SPTBN1: variants seen among roughly 807,000 people sequenced by gnomAD.
SPTBN1 encodes spectrin beta, non-erythrocytic 1, also known as spectrin beta chain, non-erythrocytic 1.
SPTBN1 carries 32 observed loss-of-function variants against 266.4 expected under a neutral mutation model. That is an observed-to-expected ratio of 0.12 (90% CI 0.09 to 0.16). SPTBN1 has a LOEUF of 0.16. SPTBN1 is among the 10% of genes least tolerant of loss of function. The pLI is 1.00. For synonymous variants in SPTBN1, 1,336 were observed against 1,162.2 expected (o/e 1.15, Z -3.04); for missense variants, 2,296 against 3,067.1 (o/e 0.75, Z 5.94).
Position 54,600,277 on chromosome 2 carries a change from G to C in SPTBN1, c.300+1034G>C, listed in dbSNP as rs151280301. Reference sequence around the variant, plus strand: ...TCTGGGTTGAAATGGAGCCAGAAAAGTATTCTCTTCCCTGCCCTTCAGTTC... The same window carrying C: ...TCTGGGTTGAAATGGAGCCAGAAAACTATTCTCTTCCCTGCCCTTCAGTTC... On this transcript the variant is annotated intron_variant, in intron 3 of 35. Transcript: ENST00000356805. 1.3e-3 allele frequency among the ~76,000 whole-genome samples: 200 copies of C among 152,258 alleles called. 4 individuals carry two copies. The South Asian group carries it at 0.036, about 28-fold the overall frequency.
chr2:54,510,697 T>C (rs1476953652), intron 1 of SPTBN1, among the ~76,000 whole-genome samples: 1 of 152,244 alleles, frequency 6.6e-6, no homozygotes, highest in Non-Finnish European at 1.5e-5. Context: ...GATGAAGTTA[T>C]GGACTTGATT....
At chr2:54,612,988 TTA>T (rs969224954) in intron 4 of SPTBN1, among the ~76,000 whole-genome samples, 5 of 152,202 alleles carry the variant, frequency 3.3e-5, no homozygotes, top group Non-Finnish European at 7.3e-5. Context: ...TTCTTTCACT[TTA>T]TGAAGAAATC....
At chr2:54,660,108 A>C in intron 32 of SPTBN1, 109 bp downstream of exon 32, 1 of 1,605,390 alleles carries the variant, frequency 6.2e-7, no homozygotes, top group Non-Finnish European at 8.5e-7. Context: ...ATTTGTCAAG[A>C]ATCACCCTTT....
At chr2:54,640,632 G>A (rs186469344) in intron 18 of SPTBN1, among the ~76,000 whole-genome samples, 6 of 152,208 alleles carry the variant, frequency 3.9e-5, no homozygotes, top group Admixed American at 3.9e-4. Context: ...GCTCACTACA[G>A]CCCCCACCTC....
At chr2:54,497,166 C>A (rs1281149974) in intron 1 of SPTBN1, among the ~76,000 whole-genome samples, 3 of 152,148 alleles carry the variant, frequency 2.0e-5, no homozygotes, top group Non-Finnish European at 2.9e-5. Flanking sequence ...TACCGTAAGA[C>A]CAGAGAAACC....
At chr2:54,581,577 CTTTTTTTTT>C (rs70944181) in intron 2 of SPTBN1, among the ~76,000 whole-genome samples, 17,040 of 102,984 alleles carry the variant, frequency 0.17, 1,407 homozygotes, top group Middle Eastern at 0.24. Flanking sequence ...TTTCTTTGCC[CTTTTTTTTT>C]TTTTTTTTTT....
At chr2:54,659,862 C>T (rs949890732) in intron 31 of SPTBN1, 74 bp from the exon 32 acceptor site, 18 of 1,542,962 alleles carry the variant, frequency 1.2e-5, no homozygotes, top group Non-Finnish European at 1.6e-5. Flanking sequence ...ATGATGTTCT[C>T]CCACCCTTTC....
chr2:54,587,752 G>T (rs1026271997), intron 2 of SPTBN1, among the ~76,000 whole-genome samples: 1 of 152,116 alleles, frequency 6.6e-6, no homozygotes, highest in African/African-American at 2.4e-5. Flanking sequence ...CTAGCCTGTG[G>T]TGATTACCAT....
intron 1 of SPTBN1, among the ~76,000 whole-genome samples, chr2:54,466,100 A>G (rs541588344): frequency 6.6e-6 from 1 of 152,316 alleles, no homozygotes; most frequent in South Asian, 2.1e-4. Context: ...CTGTGACAGT[A>G]AACATCTGAG....
intron 1 of SPTBN1, among the ~76,000 whole-genome samples, chr2:54,491,283 GAA>G (rs1362203002): frequency 3.3e-5 from 5 of 152,160 alleles, no homozygotes; most frequent in East Asian, 3.8e-4. Context: ...AATAGATTGT[GAA>G]AAGTCTCCAA....
chr2:54,636,562 G>A (rs1047266955), intron 17 of SPTBN1, among the ~76,000 whole-genome samples: 5 of 152,058 alleles, frequency 3.3e-5, no homozygotes, highest in Admixed American at 3.3e-4. Flanking sequence ...CTTTCTCCTG[G>A]GGAAGTTTCT....
At chr2:54,648,638 T>G (rs1680069069) in intron 24 of SPTBN1, among the ~76,000 whole-genome samples, 1 of 152,176 alleles carries the variant, frequency 6.6e-6, no homozygotes, top group South Asian at 2.1e-4. Flanking sequence ...GAAATCCTGA[T>G]TTGCAGAGCC....
intron 2 of SPTBN1, among the ~76,000 whole-genome samples, chr2:54,541,738 A>C (rs1429050823): frequency 6.6e-6 from 1 of 152,256 alleles, no homozygotes; most frequent in Non-Finnish European, 1.5e-5. Flanking sequence ...TGATTTTGAA[A>C]GAAATAATTT....
Position 54,668,406 on chromosome 2 carries a change from A to T in SPTBN1, c.6932A>T (p.His2311Leu), listed in dbSNP as rs1558488441. 6 of 1,614,158 alleles carry T rather than the reference A, an allele frequency of 3.7e-6. No individual in the cohort carries two copies. Among genetic ancestry groups the T allele is most frequent in the Non-Finnish European group, 4.2e-6 (5 of 1,180,022 alleles). Residue 2311 changes from histidine (H) to leucine (L), a missense_variant, in exon 36 of 36, where the codon CAC becomes CTC. By Grantham distance (99) the His-to-Leu change is moderately conservative. Coordinates refer to ENST00000356805, the MANE Select transcript of SPTBN1 (RefSeq NM_003128.3). ...AISSAISSDK[H>L]EVSASTQSTP... is the part of the protein sequence containing the mutation. The stretch of plus-strand genomic sequence containing the variant: ...TCTTCCGCCATCTCCTCTGATAAAC[A>T]CGAGGTGTCTGCCAGCACCCAGAGC...
intron 1 of SPTBN1, among the ~76,000 whole-genome samples, chr2:54,457,550 G>C (rs1384512215): frequency 6.6e-6 from 1 of 152,190 alleles, no homozygotes; most frequent in Non-Finnish European, 1.5e-5. Context: ...ATTCGGTGGG[G>C]TTTATTTGGG....
At chr2:54,602,716 A>AGT (rs975208619) in intron 3 of SPTBN1, among the ~76,000 whole-genome samples, 3 of 152,032 alleles carry the variant, frequency 2.0e-5, no homozygotes, top group African/African-American at 7.2e-5. Context: ...AACAGAAAAG[A>AGT]GTGTGTGTGT....
intron 2 of SPTBN1, among the ~76,000 whole-genome samples, chr2:54,591,179 CAG>C (rs1675657156): frequency 6.6e-6 from 1 of 152,166 alleles, no homozygotes; most frequent in Admixed American, 6.5e-5. Flanking sequence ...ATCTTAGACA[CAG>C]AGTTCTAGGT....
chr2:54,630,158 C>A, intron 15 of SPTBN1, 129 bp downstream of exon 15: 1 of 1,216,928 alleles, frequency 8.2e-7, no homozygotes, highest in Non-Finnish European at 1.1e-6. Context: ...GATGTCATGG[C>A]ATTGGCACCT....
intron 1 of SPTBN1, among the ~76,000 whole-genome samples, chr2:54,488,111 G>A (rs1668504698): frequency 6.6e-6 from 1 of 152,016 alleles, no homozygotes; most frequent in Non-Finnish European, 1.5e-5. Context: ...TTACAGGCGT[G>A]AGTCACTGCG....
Sources: gnomAD v4.1 joint callset for allele counts (sites outside exome capture counted in the v4.1 genomes callset) on GRCh38, gnomAD v4.1.1 for gene constraint, MANE v1.5 for transcripts, NCBI Gene and HGNC (gene_info 2026-07-23, HGNC 2026-07-21) for gene names.